Variants in ATF7IP2 observed in about 807,000 individuals in gnomAD.
The protein encoded by ATF7IP2 is activating transcription factor 7-interacting protein 2.
In ATF7IP2, 42 loss-of-function variants were observed where a neutral mutation model predicts 64.2. The ratio of observed to expected loss-of-function variants is 0.65; its 90% CI spans 0.51 to 0.85. The LOEUF (loss-of-function observed/expected upper bound fraction) is 0.85, where lower values mean the gene tolerates loss of function less well. Among genes scored for constraint, ATF7IP2 ranks in the 40% least tolerant of loss-of-function variants. The probability of loss-of-function intolerance (pLI) is 0.00; values close to 1 mark genes in which losing one functional copy is unlikely to be tolerated. For synonymous variants in ATF7IP2, 308 were observed against 272.8 expected, an observed-to-expected ratio of 1.13 and a Z score of -1.27; for missense variants, 933 against 784.2, an observed-to-expected ratio of 1.19 and a Z score of -2.27.
chr16:10,468,121 C>T (rs2049650229), intron 9 of ATF7IP2, among the ~76,000 whole-genome samples: 1 of 128,556 alleles, frequency 7.8e-6, no homozygotes, highest in Admixed American at 7.1e-5. Context: ...CTCAGGTGAT[C>T]CTCCCACCTC....
intron 10 of ATF7IP2, 49 bp downstream of exon 10, chr16:10,472,232 A>T: frequency 1.1e-6 from 1 of 936,010 alleles, no homozygotes. Flanking sequence ...GAAGGCCTTA[A>T]ATCAATGTTT....
intron 5 of ATF7IP2, among the ~76,000 whole-genome samples, chr16:10,432,025 A>T (rs2141882167): frequency 6.8e-6 from 1 of 146,922 alleles, no homozygotes; most frequent in African/African-American, 2.5e-5. Flanking sequence ...TTTTAGTAGA[A>T]ACAGGGTTTC....
At position 10,457,535 on chromosome 16, in the gene ATF7IP2, T is replaced by C; in HGVS notation, c.1352+6T>C. The C allele has an allele frequency of 6.5e-7, 1 of 1,544,192 alleles. No individual in the cohort carries two copies. The highest frequency in any genetic ancestry group is 8.7e-7 in the Non-Finnish European group (1 of 1,151,152). On this transcript the variant is annotated splice_donor_region_variant and intron_variant, in intron 9 of 13. Coordinates refer to ENST00000562102, the MANE Select transcript of ATF7IP2 (RefSeq NM_001393719.1). ...AATAAGTCTGTTTCTGAAAGGTAGG[T>C]GTTTCTGCAAAAATGCATAAATTTA...
chr16:10,474,546 G>A (rs1211299139), intron 12 of ATF7IP2, among the ~76,000 whole-genome samples: 4 of 152,164 alleles, frequency 2.6e-5, no homozygotes, highest in Non-Finnish European at 5.9e-5. Flanking sequence ...ACATGAAAAT[G>A]TAGACAGAGA....
chr16:10,462,279 C>G (rs2049399313), intron 9 of ATF7IP2, among the ~76,000 whole-genome samples: 1 of 152,036 alleles, frequency 6.6e-6, no homozygotes, highest in Non-Finnish European at 1.5e-5. Context: ...GAGTTACCCA[C>G]ATATTTATGT....
rs1344365303 is a variant in ATF7IP2, at chr16:10,480,677, G to A, written c.1550-202G>A. Among the ~76,000 whole-genome samples the A allele has an allele frequency of 2.7e-5, 4 of 150,240 alleles. No individual in the cohort carries two copies. The Admixed American group carries it at 2.7e-4, about 10-fold the overall frequency. ...CAATGTCTAAAGTGTTTACCTTAAGGGGAATTTTTGTCACCTTAAAAATTT... is the reference window on the plus strand; with the variant it reads ...CAATGTCTAAAGTGTTTACCTTAAGAGGAATTTTTGTCACCTTAAAAATTT... On this transcript the variant is annotated intron_variant, in intron 12 of 13. Transcript: ENST00000562102.
In ATF7IP2 at chr16:10,404,827, AC is replaced by A. The variant is rs1030124738; in HGVS notation, c.-241-9745del. Among the ~76,000 whole-genome samples, 96 of 152,234 alleles carry A rather than the reference AC, an allele frequency of 6.3e-4. 1 individual carries two copies. The highest frequency in any genetic ancestry group is 2.1e-3 in the African/African-American group (86 of 41,544). ...CAAGGTGCTGGTATTACAGGCATGA[AC>A]CAGTGGGCCCAACCAGAAGTAACCT... On this transcript the variant is annotated intron_variant, in intron 1 of 13. Transcript: ENST00000562102.
At chr16:10,415,754 T>C (rs2047860672) in intron 2 of ATF7IP2, among the ~76,000 whole-genome samples, 1 of 152,232 alleles carries the variant, frequency 6.6e-6, no homozygotes, top group Non-Finnish European at 1.5e-5. Context: ...CATACGACTC[T>C]GTAGGAAAGA....
chr16:10,388,183 G>C (rs909295646), intron 1 of ATF7IP2, among the ~76,000 whole-genome samples: 1 of 152,114 alleles, frequency 6.6e-6, no homozygotes, highest in Non-Finnish European at 1.5e-5. Context: ...TAGTCTTAGC[G>C]CCCGGCCTAT....
chr16:10,472,040 C>A, intron 9 of ATF7IP2, 70 bp from the exon 10 acceptor site: 1 of 698,294 alleles, frequency 1.4e-6, no homozygotes, highest in Non-Finnish European at 2.4e-6. Context: ...GACTCCTAAC[C>A]ACTAATTGCA....
chr16:10,475,068 T>C (rs1044168534), intron 12 of ATF7IP2, among the ~76,000 whole-genome samples: 2 of 152,114 alleles, frequency 1.3e-5, no homozygotes, highest in African/African-American at 4.8e-5. Flanking sequence ...ATCAACAAAA[T>C]TTGTTGCCAG....
At chr16:10,444,438 C>T (rs1596532616) in intron 8 of ATF7IP2, among the ~76,000 whole-genome samples, 3 of 152,108 alleles carry the variant, frequency 2.0e-5, no homozygotes, top group East Asian at 1.9e-4. Flanking sequence ...TTGATGAGGA[C>T]GTAATCTCCA....
intron 1 of ATF7IP2, among the ~76,000 whole-genome samples, chr16:10,405,096 C>T (rs576494331): frequency 1.4e-4 from 22 of 152,182 alleles, no homozygotes; most frequent in African/African-American, 5.3e-4. Flanking sequence ...GGTGCCGTGG[C>T]TCATGCCTGT....
chr16:10,437,975 A>T (rs1268177762), intron 6 of ATF7IP2, 126 bp from the exon 7 acceptor site: 1 of 659,342 alleles, frequency 1.5e-6, no homozygotes, highest in Admixed American at 4.1e-5. Flanking sequence ...AAACATACAA[A>T]TATAAATAAA....
At chr16:10,478,745 A>AATCT (rs2050102280) in intron 12 of ATF7IP2, among the ~76,000 whole-genome samples, 1 of 152,262 alleles carries the variant, frequency 6.6e-6, no homozygotes, top group African/African-American at 2.4e-5. Context: ...AAATTTTCGC[A>AATCT]ATCTACTCAT....
At chr16:10,406,823 C>A (rs1254043327) in intron 1 of ATF7IP2, among the ~76,000 whole-genome samples, 2 of 152,140 alleles carry the variant, frequency 1.3e-5, no homozygotes, top group African/African-American at 4.8e-5. Flanking sequence ...CTGCTGAATT[C>A]TACTGAACAT....
At chr16:10,393,398 A>G (rs868468379) in intron 1 of ATF7IP2, among the ~76,000 whole-genome samples, 3 of 152,158 alleles carry the variant, frequency 2.0e-5, no homozygotes, top group East Asian at 1.9e-4. Flanking sequence ...GGCATGAGAC[A>G]TAAGCCAAAA....
At chr16:10,476,145 T>A (rs970041583) in intron 12 of ATF7IP2, among the ~76,000 whole-genome samples, 1 of 152,230 alleles carries the variant, frequency 6.6e-6, no homozygotes, top group Admixed American at 6.5e-5. Flanking sequence ...TAGATTATAA[T>A]TGTACAAATC....
At chr16:10,401,208 C>T (rs1285494088) in intron 1 of ATF7IP2, among the ~76,000 whole-genome samples, 1 of 151,924 alleles carries the variant, frequency 6.6e-6, no homozygotes, top group Non-Finnish European at 1.5e-5. Context: ...GTTCTTGTTG[C>T]CCAAGCTGCA....
Sources: gnomAD v4.1 joint callset for allele counts (sites outside exome capture counted in the v4.1 genomes callset) on GRCh38, gnomAD v4.1.1 for gene constraint, MANE v1.5 for transcripts, NCBI Gene and HGNC (gene_info 2026-07-23, HGNC 2026-07-21) for gene names.